Variants in TMEM164 observed in about 807,000 individuals in gnomAD.
The protein encoded by TMEM164 is RP13-360B22.2.
In TMEM164, 4 loss-of-function variants were observed where a neutral mutation model predicts 18.8. The observed-to-expected ratio is 0.21, with a 90% CI of 0.10 to 0.49. The LOEUF (loss-of-function observed/expected upper bound fraction) is 0.49, where lower values mean the gene tolerates loss of function less well. Ranked by LOEUF, TMEM164 falls within the 20% of genes least tolerant of loss-of-function variation. The probability of loss-of-function intolerance (pLI) is 0.98; values close to 1 mark genes in which losing one functional copy is unlikely to be tolerated. For synonymous variants in TMEM164, 86 were observed against 101.7 expected, an observed-to-expected ratio of 0.85 and a Z score of 0.93; for missense variants, 108 against 239.9, an observed-to-expected ratio of 0.45 and a Z score of 3.63.
intron 2 of TMEM164, chrX:110,020,374 AT>A (rs1440062563): frequency 6.6e-6 from 5 of 752,544 alleles, no homozygotes; most frequent in Non-Finnish European, 7.8e-6. Context: ...TTGAGGATGG[AT>A]TGTCCAGCAG....
intron 2 of TMEM164, among the ~76,000 whole-genome samples, chrX:110,058,930 C>T (rs993386105): frequency 9.1e-6 from 1 of 109,940 alleles, no homozygotes; most frequent in East Asian, 2.8e-4. Context: ...CATGCTCAGT[C>T]TGGGATGTCT....
intron 4 of TMEM164, among the ~76,000 whole-genome samples, chrX:110,130,234 T>A (rs192425692): frequency 8.3e-4 from 93 of 111,832 alleles, no homozygotes; most frequent in African/African-American, 2.9e-3. Flanking sequence ...ATATCAAGTT[T>A]CTAAGTCAAG....
intron 2 of TMEM164, among the ~76,000 whole-genome samples, chrX:110,033,687 G>C (rs1433050227): frequency 1.8e-5 from 2 of 111,165 alleles, no homozygotes; most frequent in Non-Finnish European, 3.8e-5. Flanking sequence ...CTTCTTCATC[G>C]GGTTCTGAGG....
intron 2 of TMEM164, among the ~76,000 whole-genome samples, chrX:110,033,816 C>T (rs900691967): frequency 2.7e-5 from 3 of 111,503 alleles, no homozygotes; most frequent in African/African-American, 9.8e-5. Context: ...TTCCTGTTTT[C>T]CCCTTATACT....
chrX:110,100,856 T>C (rs144627110), intron 3 of TMEM164, among the ~76,000 whole-genome samples: 1,576 of 111,470 alleles, frequency 0.014, 13 homozygotes, highest in Non-Finnish European at 0.024. Context: ...CCCAAAGTGT[T>C]GGGATTACAG....
downstream of TMEM164, among the ~76,000 whole-genome samples, chrX:110,183,883 T>C (rs2067332311): frequency 8.9e-6 from 1 of 111,981 alleles, no homozygotes; most frequent in South Asian, 3.7e-4. Flanking sequence ...AGGTCAGTGG[T>C]TGCCTGGTGT....
At chrX:110,022,896 G>A (rs886498594) in intron 2 of TMEM164, among the ~76,000 whole-genome samples, 4 of 112,253 alleles carry the variant, frequency 3.6e-5, no homozygotes, top group Non-Finnish European at 5.6e-5. Flanking sequence ...CAAGCCCGTC[G>A]TTTTGCAGAT....
chrX:110,030,342 A>C (rs1464410920), intron 2 of TMEM164, among the ~76,000 whole-genome samples: 1 of 99,616 alleles, frequency 1.0e-5, no homozygotes, highest in African/African-American at 3.7e-5. Flanking sequence ...GCTAGTTTGA[A>C]CTCCTGGGCT....
intron 2 of TMEM164, among the ~76,000 whole-genome samples, chrX:110,047,032 C>T (rs1935344578): frequency 9.0e-6 from 1 of 111,572 alleles, no homozygotes; most frequent in Non-Finnish European, 1.9e-5. Flanking sequence ...TGAATTTTAA[C>T]TCACCCACCT....
At chrX:110,047,597 T>C (rs1044516879) in intron 2 of TMEM164, among the ~76,000 whole-genome samples, 5 of 111,926 alleles carry the variant, frequency 4.5e-5, no homozygotes, top group African/African-American at 1.6e-4. Context: ...TGTTTAAGAG[T>C]CTGGCTATAT....
chrX:110,115,555 T>G (rs759021698), intron 4 of TMEM164, among the ~76,000 whole-genome samples: 47 of 111,244 alleles, frequency 4.2e-4, no homozygotes, highest in Non-Finnish European at 7.2e-4. Context: ...CTTAGTAGCT[T>G]TATTTTAAGA....
chrX:110,121,765 T>C (rs1414374702), intron 4 of TMEM164, among the ~76,000 whole-genome samples: 1 of 112,346 alleles, frequency 8.9e-6, no homozygotes, highest in African/African-American at 3.2e-5. Context: ...ACTGCCAGAC[T>C]ATTTTCCAAA....
chrX:110,061,793 A>C (rs1936134045), intron 2 of TMEM164, among the ~76,000 whole-genome samples: 1 of 111,627 alleles, frequency 9.0e-6, no homozygotes, highest in Non-Finnish European at 1.9e-5. Context: ...AATCACCAGA[A>C]TGGGCGTTTA....
chrX:110,148,254 T>C (rs1282841792), intron 5 of TMEM164, among the ~76,000 whole-genome samples: 3 of 110,921 alleles, frequency 2.7e-5, no homozygotes, highest in Non-Finnish European at 5.7e-5. Flanking sequence ...CCACCCTCAA[T>C]AGATCCCCCC....
intron 4 of TMEM164, among the ~76,000 whole-genome samples, chrX:110,134,620 C>T (rs1413855668): frequency 9.6e-6 from 1 of 104,071 alleles, no homozygotes; most frequent in Non-Finnish European, 2.0e-5. Context: ...AATTATGCCC[C>T]CCTGCCCTTT....
At chrX:110,057,548 CTT>C (rs199733800) in intron 2 of TMEM164, among the ~76,000 whole-genome samples, 12 of 80,542 alleles carry the variant, frequency 1.5e-4, no homozygotes, top group East Asian at 1.2e-3. Flanking sequence ...TAGAATAGGT[CTT>C]TTTTTTTTTT....
chrX:110,037,951 C>T (rs1186347598), intron 2 of TMEM164, among the ~76,000 whole-genome samples: 1 of 108,749 alleles, frequency 9.2e-6, no homozygotes, highest in African/African-American at 3.4e-5. Flanking sequence ...TAATCATTAA[C>T]TATCGTATTC....
chrX:110,148,113 T>C (rs2066884384), intron 5 of TMEM164, among the ~76,000 whole-genome samples: 1 of 110,691 alleles, frequency 9.0e-6, no homozygotes, highest in African/African-American at 3.3e-5. Context: ...AATTGTGCTC[T>C]CAACACCATT....
chrX:110,032,446 TG>T (rs1934558327), intron 2 of TMEM164, among the ~76,000 whole-genome samples: 2 of 111,284 alleles, frequency 1.8e-5, no homozygotes, highest in South Asian at 3.7e-4. Flanking sequence ...TTGTTGTTGT[TG>T]TTTTTTTTTG....
Sources: gnomAD v4.1 joint callset for allele counts (sites outside exome capture counted in the v4.1 genomes callset) on GRCh38, gnomAD v4.1.1 for gene constraint, MANE v1.5 for transcripts, NCBI Gene and HGNC (gene_info 2026-07-23, HGNC 2026-07-21) for gene names.